DZIP3: variants seen among roughly 807,000 people sequenced by gnomAD.
DZIP3 encodes the protein DAZ interacting zinc finger protein 3, also known as E3 ubiquitin-protein ligase DZIP3.
Under a neutral mutation model 162.0 loss-of-function variants are expected in DZIP3, and 118 were observed. The observed-to-expected ratio is 0.73, with a 90% confidence interval of 0.63 to 0.85. The LOEUF is 0.85. Ranked by LOEUF, DZIP3 falls within the 40% of genes least tolerant of loss-of-function variation. The pLI is 0.00. For synonymous variants in DZIP3, 438 were observed against 458.6 expected, an observed-to-expected ratio of 0.96 and a Z score of 0.57; for missense variants, 1,331 against 1,407.0, an observed-to-expected ratio of 0.95 and a Z score of 0.86.
At chr3:108,595,956 G>C (rs1217685333) in intron 1 of DZIP3, among the ~76,000 whole-genome samples, 2 of 152,156 alleles carry the variant, frequency 1.3e-5, no homozygotes, top group African/African-American at 2.4e-5. Context: ...AAAAATTTCT[G>C]CCCAAGTTGT....
intron 19 of DZIP3, among the ~76,000 whole-genome samples, chr3:108,661,415 C>T (rs1943426608): frequency 1.3e-5 from 2 of 152,062 alleles, no homozygotes; most frequent in Admixed American, 1.3e-4. Context: ...TGTTCTCACT[C>T]ATAGGTGGGA....
At chr3:108,655,860 G>A (rs1234968040) in intron 19 of DZIP3, among the ~76,000 whole-genome samples, 6 of 152,206 alleles carry the variant, frequency 3.9e-5, no homozygotes, top group Admixed American at 1.3e-4. Context: ...TCCCATGCCT[G>A]GCTTGGAGGG....
chr3:108,638,832 C>G (rs931884279), intron 12 of DZIP3, among the ~76,000 whole-genome samples: 5 of 152,132 alleles, frequency 3.3e-5, no homozygotes, highest in Non-Finnish European at 5.9e-5. Flanking sequence ...TCATGAAGAT[C>G]TTTCAGAAGC....
At chr3:108,669,570 GC>G in intron 21 of DZIP3, 110 bp from the exon 22 acceptor site, 1 of 849,104 alleles carries the variant, frequency 1.2e-6, no homozygotes, top group Non-Finnish European at 1.8e-6. Flanking sequence ...AAGATTTGTG[GC>G]CCCAAATGGA....
intron 22 of DZIP3, among the ~76,000 whole-genome samples, chr3:108,670,728 T>G (rs1943896651): frequency 6.6e-6 from 1 of 151,970 alleles, no homozygotes; most frequent in Non-Finnish European, 1.5e-5. Context: ...TGCACCATTT[T>G]ATAATCCTAT....
intron 10 of DZIP3, among the ~76,000 whole-genome samples, 187 bp downstream of exon 10, chr3:108,635,159 C>T (rs1399133506): frequency 6.6e-6 from 1 of 151,922 alleles, no homozygotes; most frequent in Non-Finnish European, 1.5e-5. Flanking sequence ...CTCCCTACCA[C>T]TTTTCATTCA....
chr3:108,633,918 CTG>C (rs1456048381), intron 9 of DZIP3, among the ~76,000 whole-genome samples: 1 of 140,814 alleles, frequency 7.1e-6, no homozygotes, highest in Non-Finnish European at 1.6e-5. Context: ...ATCTCTCTCT[CTG>C]GATCTATCAG....
At chr3:108,652,917 CTATGA>C (rs1337657211) in intron 18 of DZIP3, among the ~76,000 whole-genome samples, 1 of 151,842 alleles carries the variant, frequency 6.6e-6, no homozygotes, top group Non-Finnish European at 1.5e-5. Context: ...TAGTAACACT[CTATGA>C]TATGTTATGA....
chr3:108,672,737 A>C, intron 23 of DZIP3, 81 bp downstream of exon 23: 1 of 1,113,472 alleles, frequency 9.0e-7, no homozygotes, highest in Non-Finnish European at 1.3e-6. Flanking sequence ...AATTTGTAAA[A>C]GATTGTTTTT....
At chr3:108,693,069 C>T (rs566634747) in intron 32 of DZIP3, among the ~76,000 whole-genome samples, 2 of 151,502 alleles carry the variant, frequency 1.3e-5, no homozygotes, top group East Asian at 3.9e-4. Context: ...AAAGCAATTA[C>T]AAGAGAATTG....
chr3:108,661,408 TCTCA>T (rs1225185950), intron 19 of DZIP3, among the ~76,000 whole-genome samples: 1 of 152,120 alleles, frequency 6.6e-6, no homozygotes, highest in Non-Finnish European at 1.5e-5. Flanking sequence ...CACCACATGT[TCTCA>T]CTCATAGGTG....
chr3:108,601,630 C>G (rs1380606968), intron 1 of DZIP3, among the ~76,000 whole-genome samples: 1 of 152,172 alleles, frequency 6.6e-6, no homozygotes, highest in African/African-American at 2.4e-5. Context: ...TCCACCCACA[C>G]TTTGAAATGT....
chr3:108,674,120 C>G lies in DZIP3; in HGVS notation c.2632C>G (p.Leu878Val). 1 of 1,612,332 alleles carries G rather than the reference C, an allele frequency of 6.2e-7. No individual in the cohort carries two copies. The highest frequency in any genetic ancestry group is 8.5e-7 in the Non-Finnish European group (1 of 1,178,914). The change falls in exon 24 of 33, where the codon CTA becomes GTA. Residue 878 changes from leucine (L) to valine (V), a missense_variant. Physicochemically the swap from Leu to Val is conservative, Grantham distance 32 (BLOSUM62 1). Transcript: ENST00000361582. ...TCGTAGGGATTTTGGTTTGCTTCAT[C>G]TAGAGCAGACTGAAAAGGAATGTCT... Reference protein sequence around the residue: ...QCRRDFGLLHLEQTEKECLNQ... With the variant: ...QCRRDFGLLHVEQTEKECLNQ...
intron 17 of DZIP3, 34 bp from the exon 18 acceptor site, chr3:108,651,103 G>T: frequency 2.9e-6 from 2 of 683,344 alleles, no homozygotes; most frequent in South Asian, 2.1e-5. Flanking sequence ...TGATATAGTT[G>T]ATATAGATTA....
At chr3:108,688,500 T>G (rs1944574663) in intron 29 of DZIP3, 93 bp from the exon 30 acceptor site, 1 of 1,324,798 alleles carries the variant, frequency 7.5e-7, no homozygotes, top group African/African-American at 1.5e-5. Flanking sequence ...ACCCTTTTGC[T>G]AGTTCTTACT....
chr3:108,657,283 T>A (rs909619712), intron 19 of DZIP3, among the ~76,000 whole-genome samples: 3 of 152,126 alleles, frequency 2.0e-5, no homozygotes, highest in Non-Finnish European at 4.4e-5. Context: ...GACTAACAGC[T>A]GATCTCTTGG....
intron 5 of DZIP3, among the ~76,000 whole-genome samples, chr3:108,619,262 T>G (rs2107541079): frequency 6.6e-6 from 1 of 151,506 alleles, no homozygotes; most frequent in African/African-American, 2.4e-5. Flanking sequence ...ACCAGACTGG[T>G]TTTTGCTGTG....
At chr3:108,635,070 T>C (rs1942076310) in intron 10 of DZIP3, 98 bp downstream of exon 10, 2 of 672,080 alleles carry the variant, frequency 3.0e-6, no homozygotes, top group Non-Finnish European at 4.9e-6. Flanking sequence ...ATAACTTCCC[T>C]CCTGCTTTTT....
At position 108,625,915 on chromosome 3, in the gene DZIP3, A is replaced by G; in HGVS notation, c.527A>G (p.Asn176Ser). 6.2e-7 allele frequency: 1 copy of G among 1,613,568 alleles called. No homozygotes were observed. Among genetic ancestry groups the G allele is most frequent in the Non-Finnish European group, 8.5e-7 (1 of 1,179,816 alleles). Residue 176 changes from asparagine (N) to serine (S), a missense_variant, in exon 7 of 33, where the codon AAC becomes AGC. Around this residue, in one of 2 missense-constraint regions of DZIP3, gnomAD observed 1,278 missense variants for 1,317.1 expected, o/e 0.97. Transcript: ENST00000361582. ...ATCCAAGAAAATGAAATTTGTGAAAACTTTATGTCTTTAGTTTATTTTGGA... is the reference window on the plus strand; with the variant it reads ...ATCCAAGAAAATGAAATTTGTGAAAGCTTTATGTCTTTAGTTTATTTTGGA... ...MMIQENEICE[N>S]FMSLVYFGRG...
Sources: allele counts gnomAD v4.1 joint callset (sites outside exome capture counted in the v4.1 genomes callset), GRCh38; gene constraint gnomAD v4.1.1; regional missense constraint gnomAD v4.1.1; transcripts MANE v1.5; gene names NCBI Gene and HGNC (gene_info 2026-07-23, HGNC 2026-07-21).